ATG3: variants seen among roughly 807,000 people sequenced by gnomAD.
ATG3 encodes the protein autophagy related 3.
Under a neutral mutation model 50.7 loss-of-function variants are expected in ATG3, and 25 were observed. That is an observed-to-expected ratio of 0.49 (90% CI 0.36 to 0.69). The LOEUF (loss-of-function observed/expected upper bound fraction) is 0.69, where lower values mean the gene tolerates loss of function less well. Among genes scored for constraint, ATG3 ranks in the 30% least tolerant of loss-of-function variants. ATG3 has a pLI of 0.00. For missense variants in ATG3, 281 were observed against 376.0 expected (o/e 0.75, Z 2.09); for synonymous variants, 119 against 125.5 (o/e 0.95, Z 0.34).
At chr3:112,557,245 G>T (rs530145796) in intron 2 of ATG3, among the ~76,000 whole-genome samples, 2 of 151,724 alleles carry the variant, frequency 1.3e-5, no homozygotes, top group South Asian at 4.1e-4. Flanking sequence ...TAGAGACGGG[G>T]TTTCGCCCTG....
rs369830783 is a variant in ATG3 at position 112,532,690 on chromosome 3, C to T, written c.*9G>A. Reference sequence around the variant, plus strand: ...ACCAATAATTAGGATAGATTTTATGCTCTCTTCATTACATTGTGAAGTGTC... The same window carrying T: ...ACCAATAATTAGGATAGATTTTATGTTCTCTTCATTACATTGTGAAGTGTC... On this transcript the variant is annotated 3_prime_UTR_variant, in exon 12 of 12. Transcript: ENST00000283290. The T allele has an allele frequency of 2.6e-6, 4 of 1,548,576 alleles. No individual in the cohort carries two copies. The African/African-American group carries it at 5.6e-5, about 21-fold the overall frequency.
At chr3:112,539,635 AT>A (rs771079250) in intron 7 of ATG3, among the ~76,000 whole-genome samples, 65 of 152,302 alleles carry the variant, frequency 4.3e-4, no homozygotes, top group Non-Finnish European at 7.8e-4. Flanking sequence ...GTCTCCACTG[AT>A]TAGAATATAA....
intron 10 of ATG3, 174 bp from the exon 11 acceptor site, chr3:112,534,511 A>G (rs1178997003): frequency 3.5e-5 from 13 of 375,286 alleles, no homozygotes; most frequent in Non-Finnish European, 6.0e-5. Context: ...AATATTTATT[A>G]AAATAGTTAA....
intron 4 of ATG3, among the ~76,000 whole-genome samples, chr3:112,549,812 A>AAG (rs1268698181): frequency 2.6e-5 from 4 of 151,668 alleles, no homozygotes; most frequent in African/African-American, 9.7e-5. Context: ...AAAAAAAAAA[A>AAG]AAAAACCACT....
chr3:112,538,158 C>T lies in ATG3; in HGVS notation c.498G>A (p.Leu166=), dbSNP rs1001807577. ...TCAATTTACAAACCTCATCTGTTTCCAACAATCCACTCTCTTCATATTCTG... is the reference window on the plus strand; with the variant it reads ...TCAATTTACAAACCTCATCTGTTTCTAACAATCCACTCTCTTCATATTCTG... ...DMEEYEESGL[L]ETDEATLDTR... is the part of the protein sequence containing the mutation. Residue 166 remains leucine (L), a synonymous_variant, in exon 8 of 12, where the codon TTG becomes TTA. Transcript: ENST00000283290. 8 of 1,583,236 alleles carry T rather than the reference C, an allele frequency of 5.1e-6. No individual in the cohort carries two copies. The highest frequency in any genetic ancestry group is 6.9e-6 in the Non-Finnish European group (8 of 1,162,318).
At chr3:112,547,370 A>G (rs1933398060) in intron 5 of ATG3, among the ~76,000 whole-genome samples, 2 of 152,204 alleles carry the variant, frequency 1.3e-5, no homozygotes, top group Admixed American at 6.5e-5. Context: ...TTAAACTTAG[A>G]GCACATTTTC....
At chr3:112,560,672 A>T (rs1318026451) in intron 1 of ATG3, among the ~76,000 whole-genome samples, 1 of 152,070 alleles carries the variant, frequency 6.6e-6, no homozygotes, top group Non-Finnish European at 1.5e-5. Flanking sequence ...ACAACAAAAC[A>T]CTCCAAAAGA....
chr3:112,552,998 T>A (rs1045987426), intron 3 of ATG3, among the ~76,000 whole-genome samples: 2 of 152,214 alleles, frequency 1.3e-5, no homozygotes, highest in South Asian at 4.1e-4. Flanking sequence ...AACCAGAAGG[T>A]CAGACTTAGA....
At chr3:112,543,860 A>C (rs776861813) in intron 6 of ATG3, 197 bp downstream of exon 6, 1 of 415,158 alleles carries the variant, frequency 2.4e-6, no homozygotes, top group Non-Finnish European at 4.4e-6. Flanking sequence ...GAGATGCATT[A>C]GGCAGCAGTA....
intron 6 of ATG3, among the ~76,000 whole-genome samples, chr3:112,543,719 AT>A (rs1933293625): frequency 6.6e-6 from 1 of 152,168 alleles, no homozygotes; most frequent in Non-Finnish European, 1.5e-5. Context: ...TACTAAATAC[AT>A]TTTAAAACAA....
intron 2 of ATG3, among the ~76,000 whole-genome samples, chr3:112,556,100 A>G (rs1398902180): frequency 6.6e-6 from 1 of 152,256 alleles, no homozygotes; most frequent in African/African-American, 2.4e-5. Context: ...TGTTAATGAT[A>G]TCCTTAAAAT....
chr3:112,537,882 T>A lies in ATG3; in HGVS notation c.519A>T (p.Leu173=). Residue 173 remains leucine (L), a synonymous_variant, in exon 9 of 12, where the codon CTA becomes CTT. Transcript: ENST00000283290. ...SGLLETDEAT[L]DTRKIVEACK... is the part of the protein sequence containing the mutation. ...AAGCTTCTACTATTTTCCTTGTATC[T>A]AGGGTAGCCTGAAAATAATAAAAGA... The A allele has an allele frequency of 6.3e-7, 1 of 1,599,514 alleles. No homozygotes were observed. Among genetic ancestry groups the A allele is most frequent in the Non-Finnish European group, 8.5e-7 (1 of 1,175,954 alleles).
intron 5 of ATG3, among the ~76,000 whole-genome samples, chr3:112,544,658 G>GAAAAAAAAAAAAAAAAAA (rs576984897): frequency 1.6e-5 from 1 of 64,100 alleles, no homozygotes; most frequent in Non-Finnish European, 3.5e-5. Flanking sequence ...CCGTCTCAGG[G>GAAAAAAAAAAAAAAAAAA]AAAAAAAAAA....
Position 112,539,903 on chromosome 3 carries a change from C to T in ATG3, c.476-1723G>A, listed in dbSNP as rs868086929. 7.2e-5 allele frequency among the ~76,000 whole-genome samples: 11 copies of T among 152,154 alleles called. 1 individual carries two copies. The South Asian group carries it at 2.1e-3, about 29-fold the overall frequency. On this transcript the variant is annotated intron_variant, in intron 7 of 11. Transcript: ENST00000283290. ...TGTACTTTGAAAACAGTGCTTTACT[C>T]GAAGGGTTCTATGCTACCCCACCAC...
chr3:112,558,519 G>T, intron 1 of ATG3, 102 bp from the exon 2 acceptor site: 1 of 881,810 alleles, frequency 1.1e-6, no homozygotes, highest in Non-Finnish European at 1.8e-6. Flanking sequence ...AGGCAATAGA[G>T]CACATACAAA....
intron 8 of ATG3, 33 bp downstream of exon 8, chr3:112,538,112 TA>T: frequency 6.7e-7 from 1 of 1,501,848 alleles, no homozygotes; most frequent in Non-Finnish European, 9.1e-7. Context: ...GTTCATCCAT[TA>T]AAAATTAACT....
intron 5 of ATG3, 109 bp downstream of exon 5, chr3:112,548,424 G>T: frequency 1.0e-6 from 1 of 958,410 alleles, no homozygotes. Context: ...TAAGTCTATT[G>T]GGACAAAACT....
chr3:112,545,585 T>C (rs1164175160), intron 5 of ATG3, among the ~76,000 whole-genome samples: 4 of 152,368 alleles, frequency 2.6e-5, no homozygotes, highest in Middle Eastern at 3.4e-3. Flanking sequence ...TAGAAATTAC[T>C]ATATAATAGG....
At chr3:112,551,244 G>C (rs1399231106) in intron 3 of ATG3, among the ~76,000 whole-genome samples, 1 of 152,162 alleles carries the variant, frequency 6.6e-6, no homozygotes, top group Non-Finnish European at 1.5e-5. Flanking sequence ...GTAAAGTCAG[G>C]AAATGCCCTA....
Sources: gnomAD v4.1 joint callset for allele counts (sites outside exome capture counted in the v4.1 genomes callset) on GRCh38, gnomAD v4.1.1 for gene constraint, MANE v1.5 for transcripts, NCBI Gene and HGNC (gene_info 2026-07-23, HGNC 2026-07-21) for gene names.